UBE2V1: variants seen among roughly 807,000 people sequenced by gnomAD.
The protein encoded by UBE2V1 is ubiquitin-conjugating enzyme E2 variant 1.
In UBE2V1, 15 loss-of-function variants were observed where a neutral mutation model predicts 19.6. The ratio of observed to expected loss-of-function variants is 0.77; its 90% CI spans 0.51 to 1.18. UBE2V1 has a LOEUF of 1.18. Ranked by LOEUF, UBE2V1 falls within the 50% of genes most tolerant of loss-of-function variation. UBE2V1 has a pLI of 0.00. For synonymous variants in UBE2V1, 60 were observed against 60.7 expected (o/e 0.99, Z 0.05); for missense variants, 125 against 184.8 (o/e 0.68, Z 1.88).
chr20:50,111,444 G>A (rs566915641), intron 1 of UBE2V1: 6 of 1,000,296 alleles, frequency 6.0e-6, no homozygotes, highest in East Asian at 2.3e-4. Context: ...ATTACGACCC[G>A]GTAGGAGTGT....
intron 2 of UBE2V1, among the ~76,000 whole-genome samples, chr20:50,094,038 T>A (rs931552914): frequency 0.11 from 8,891 of 82,992 alleles, 449 homozygotes; most frequent in African/African-American, 0.18. Context: ...TAATAAAATA[T>A]ATATATATAA....
At chr20:50,106,960 T>C (rs1032046784) in intron 1 of UBE2V1, among the ~76,000 whole-genome samples, 2 of 152,020 alleles carry the variant, frequency 1.3e-5, no homozygotes, top group African/African-American at 2.4e-5. Flanking sequence ...TGGTTGCCCA[T>C]TCAGGGAAGA....
chr20:50,084,937 C>T (rs568238544), intron 2 of UBE2V1, among the ~76,000 whole-genome samples: 3 of 121,608 alleles, frequency 2.5e-5, no homozygotes, highest in Non-Finnish European at 3.2e-5. Context: ...GCTCTTGTTG[C>T]CCAGGCTGGA....
chr20:50,087,422 G>T (rs2078985227), intron 2 of UBE2V1, among the ~76,000 whole-genome samples: 1 of 148,436 alleles, frequency 6.7e-6, no homozygotes, highest in Non-Finnish European at 1.5e-5. Context: ...CCCCAAGCTA[G>T]ACTTTAATAG....
At chr20:50,112,932 C>T (rs1432435055) in intron 1 of UBE2V1, among the ~76,000 whole-genome samples, 175 bp downstream of exon 1, 1 of 152,156 alleles carries the variant, frequency 6.6e-6, no homozygotes, top group African/African-American at 2.4e-5. Context: ...GCCCGTGCTT[C>T]CGGCCACCGC....
At chr20:50,096,540 C>G (rs201828466) in intron 2 of UBE2V1, 132 bp downstream of exon 2, 10 of 1,586,150 alleles carry the variant, frequency 6.3e-6, no homozygotes, top group Non-Finnish European at 8.6e-6. Context: ...TGAAACTGGT[C>G]AAAAAAGAAT....
Position 50,104,880 on chromosome 20 carries a change from C to T in UBE2V1, c.23-8060G>A, listed in dbSNP as rs558408156. Among the ~76,000 whole-genome samples the T allele has an allele frequency of 7.2e-5, 11 of 151,928 alleles. No homozygotes were observed. In the East Asian group the frequency reaches 1.2e-3, roughly 16 times the overall value. On this transcript the variant is annotated intron_variant, in intron 1 of 3. Coordinates refer to ENST00000371674, the MANE Select transcript of UBE2V1 (RefSeq NM_001032288.3). Reference sequence around the variant, plus strand: ...TGGCTGGGATTACAGGCACGCGCCACGACACCCAGTTAATTCTCATATGTT... The same window carrying T: ...TGGCTGGGATTACAGGCACGCGCCATGACACCCAGTTAATTCTCATATGTT...
intron 1 of UBE2V1, among the ~76,000 whole-genome samples, chr20:50,108,116 G>A (rs905796689): frequency 1.3e-5 from 2 of 152,174 alleles, no homozygotes; most frequent in East Asian, 3.8e-4. Context: ...GAAGGGGAGT[G>A]GCAGTTTCTA....
chr20:50,085,708 T>C (rs1025793572), intron 2 of UBE2V1, among the ~76,000 whole-genome samples: 5 of 152,174 alleles, frequency 3.3e-5, no homozygotes, highest in Non-Finnish European at 7.3e-5. Context: ...GCATTCATAA[T>C]ATACCCATGG....
At chr20:50,086,959 C>T (rs1228890645) in intron 2 of UBE2V1, among the ~76,000 whole-genome samples, 4 of 152,130 alleles carry the variant, frequency 2.6e-5, no homozygotes, top group Non-Finnish European at 5.9e-5. Flanking sequence ...CGCCTATAGT[C>T]CCAGCTACTT....
intron 1 of UBE2V1, chr20:50,111,158 T>C (rs2080726895): frequency 1.3e-6 from 1 of 741,554 alleles, no homozygotes; most frequent in South Asian, 6.0e-5. Context: ...ACAAAAGAAT[T>C]TTGGGAAGTC....
chr20:50,097,677 C>G (rs1373351926), intron 1 of UBE2V1, among the ~76,000 whole-genome samples: 1 of 152,184 alleles, frequency 6.6e-6, no homozygotes, highest in South Asian at 2.1e-4. Context: ...TCTCTCCTTC[C>G]TCCATTTTCC....
rs755041162 is a variant in UBE2V1, at chr20:50,096,827, T to C, written c.23-7A>G. The C allele has an allele frequency of 1.3e-5, 21 of 1,613,486 alleles. No homozygotes were observed. The highest frequency in any genetic ancestry group is 1.7e-5 in the Non-Finnish European group (20 of 1,179,758). ...TTGCGAGGGACTTTTACTCCTAAAA[T>C]AAATGGAAAGAAATTCAAGATACCA... On this transcript the variant is annotated splice_region_variant and splice_polypyrimidine_tract_variant and intron_variant, in intron 1 of 3. Transcript: ENST00000371674.
At chr20:50,107,224 G>A (rs2080446988) in intron 1 of UBE2V1, among the ~76,000 whole-genome samples, 1 of 152,216 alleles carries the variant, frequency 6.6e-6, no homozygotes. Context: ...CGCTAGAAAT[G>A]TACATTCTCA....
intron 1 of UBE2V1, among the ~76,000 whole-genome samples, chr20:50,101,416 CTTTT>C (rs11474905): frequency 7.9e-6 from 1 of 126,316 alleles, no homozygotes; most frequent in African/African-American, 3.0e-5. Context: ...CCTCAAAGAA[CTTTT>C]TTTTTTTTTT....
chr20:50,087,039 T>G (rs2078956257), intron 2 of UBE2V1, among the ~76,000 whole-genome samples: 1 of 152,038 alleles, frequency 6.6e-6, no homozygotes. Flanking sequence ...ATTGCGCCAC[T>G]GCACTCCAGC....
chr20:50,104,454 G>A (rs1397951820), intron 1 of UBE2V1: 20 of 581,426 alleles, frequency 3.4e-5, no homozygotes, highest in Non-Finnish European at 4.1e-5. Flanking sequence ...TCAGGAGATC[G>A]AGACCATCCT....
intron 1 of UBE2V1, among the ~76,000 whole-genome samples, chr20:50,101,365 T>C (rs978893314): frequency 1.3e-5 from 2 of 152,050 alleles, no homozygotes; most frequent in Non-Finnish European, 2.9e-5. Flanking sequence ...CTCAAACCTT[T>C]TGCTCTCAAG....
chr20:50,115,197 C>T (rs2080975864), upstream of UBE2V1, among the ~76,000 whole-genome samples: 1 of 152,208 alleles, frequency 6.6e-6, no homozygotes, highest in African/African-American at 2.4e-5. Flanking sequence ...GGAACACATG[C>T]CCTCTCCCAC....
Sources: allele counts gnomAD v4.1 joint callset (sites outside exome capture counted in the v4.1 genomes callset), GRCh38; gene constraint gnomAD v4.1.1; transcripts MANE v1.5; gene names NCBI Gene and HGNC (gene_info 2026-07-23, HGNC 2026-07-21).